Variants in XKR6 observed in about 807,000 individuals in gnomAD.
XKR6 encodes XK related 6.
Under a neutral mutation model 56.7 loss-of-function variants are expected in XKR6, and 22 were observed. The ratio of observed to expected loss-of-function variants is 0.39; its 90% CI spans 0.28 to 0.55. XKR6 has a LOEUF of 0.55. XKR6 is among the 20% of genes least tolerant of loss of function. The pLI is 0.66. For synonymous variants in XKR6, 524 were observed against 387.8 expected (o/e 1.35, Z -4.13); for missense variants, 852 against 889.0 (o/e 0.96, Z 0.53).
intron 1 of XKR6, among the ~76,000 whole-genome samples, chr8:11,126,989 A>G (rs1799834574): frequency 6.6e-6 from 1 of 152,170 alleles, no homozygotes; most frequent in Admixed American, 6.5e-5. Context: ...AATCAAAGCA[A>G]CTGGTCATCT....
At chr8:11,000,749 G>C (rs952155416) in intron 1 of XKR6, among the ~76,000 whole-genome samples, 17 of 152,118 alleles carry the variant, frequency 1.1e-4, no homozygotes, top group African/African-American at 3.9e-4. Flanking sequence ...TTCTACACGA[G>C]AGCTCTCTCT....
chr8:10,963,979 A>G (rs1802139472), intron 1 of XKR6, among the ~76,000 whole-genome samples: 1 of 152,206 alleles, frequency 6.6e-6, no homozygotes, highest in Non-Finnish European at 1.5e-5. Context: ...TTCTAAGTCT[A>G]TAAAATGGGC....
At chr8:10,931,998 A>G (rs1801066013) in intron 1 of XKR6, among the ~76,000 whole-genome samples, 2 of 152,200 alleles carry the variant, frequency 1.3e-5, no homozygotes, top group Non-Finnish European at 1.5e-5. Context: ...AGCTCACTAG[A>G]AAAAAACAAT....
intron 1 of XKR6, among the ~76,000 whole-genome samples, chr8:10,983,888 C>T (rs1254063237): frequency 1.3e-5 from 2 of 152,104 alleles, no homozygotes; most frequent in Admixed American, 6.6e-5. Context: ...ATCTCCTGAC[C>T]TCGTGATTCG....
intron 1 of XKR6, among the ~76,000 whole-genome samples, chr8:11,189,894 C>T (rs1026748392): frequency 1.3e-5 from 2 of 152,124 alleles, no homozygotes; most frequent in South Asian, 2.1e-4. Flanking sequence ...CAGTGGCTCA[C>T]GCCTGTAATC....
chr8:10,898,265 C>A lies in XKR6; in HGVS notation c.1613G>T (p.Gly538Val), dbSNP rs1417469540. ...GGCTCTGGTGGGCGTAACCTGGGTC[C>A]CCCGGTACCCAGGGATCTCAGGCGC... ...PMAPEIPGYR[G>V]TQVTPTRAVT... The change falls in exon 3 of 3, where the codon GGG becomes GTG. Residue 538 changes from glycine (G) to valine (V), a missense_variant. By Grantham distance (109) the Gly-to-Val change is moderately radical. This residue lies in a region of XKR6 where 197 missense variants were observed against 190.9 expected (regional missense o/e 1.03). Coordinates refer to ENST00000416569, the MANE Select transcript of XKR6 (RefSeq NM_173683.4). This position sits in a 1 kb window ranked among gnomAD's most constrained non-coding sequence, Gnocchi z 6.6. 3.1e-6 allele frequency: 5 copies of A among 1,613,994 alleles called. No homozygotes were observed. Among genetic ancestry groups the A allele is most frequent in the Non-Finnish European group, 4.2e-6 (5 of 1,180,018 alleles).
chr8:11,134,243 T>C (rs553655774), intron 1 of XKR6, among the ~76,000 whole-genome samples: 10 of 152,288 alleles, frequency 6.6e-5, no homozygotes, highest in African/African-American at 2.4e-4. Context: ...CTGATCACAG[T>C]GTGTGTTACT....
intron 1 of XKR6, chr8:11,108,488 C>G: frequency 2.6e-6 from 1 of 388,778 alleles, no homozygotes; most frequent in South Asian, 2.0e-5. Context: ...GACATTAGTA[C>G]TCAACTTATG....
intron 1 of XKR6, among the ~76,000 whole-genome samples, chr8:10,943,225 A>C (rs1259132204): frequency 6.6e-6 from 1 of 152,226 alleles, no homozygotes; most frequent in Admixed American, 6.5e-5. Flanking sequence ...TCACTGTCTG[A>C]GTTGTCACAG....
intron 1 of XKR6, among the ~76,000 whole-genome samples, chr8:11,182,533 T>A (rs529511153): frequency 6.6e-6 from 1 of 152,216 alleles, no homozygotes; most frequent in Admixed American, 6.5e-5. Flanking sequence ...AAGAGGCATA[T>A]CTTGAAGTCA....
intron 1 of XKR6, chr8:11,106,793 T>G (rs1456831496): frequency 1.4e-5 from 2 of 139,078 alleles, no homozygotes; most frequent in Non-Finnish European, 3.0e-5. Flanking sequence ...GAGGTTGCAG[T>G]GAGCTGAGAT....
chr8:11,135,471 T>C (rs369359799), intron 1 of XKR6, among the ~76,000 whole-genome samples: 4 of 152,238 alleles, frequency 2.6e-5, no homozygotes, highest in African/African-American at 9.6e-5. Flanking sequence ...TCTTTAAATA[T>C]CATTGTAACA....
At position 10,970,520 on chromosome 8, in the gene XKR6, A is replaced by G. The variant is rs1802375673; in HGVS notation, c.765-45690T>C. Reference sequence around the variant, plus strand: ...TGGAGGATCTGCACATGAAACTGTCACAGCCCAGAAATGCCCCAGCCTCAT... The same window carrying G: ...TGGAGGATCTGCACATGAAACTGTCGCAGCCCAGAAATGCCCCAGCCTCAT... On this transcript the variant is annotated intron_variant, in intron 1 of 2. Coordinates refer to ENST00000416569, the MANE Select transcript of XKR6 (RefSeq NM_173683.4). Among the ~76,000 whole-genome samples the G allele has an allele frequency of 2.6e-5, 4 of 152,304 alleles. No individual in the cohort carries two copies. In the South Asian group the frequency reaches 8.3e-4, roughly 32 times the overall value.
chr8:11,105,186 A>T (rs985133752), intron 1 of XKR6: 6 of 152,316 alleles, frequency 3.9e-5, no homozygotes, highest in Admixed American at 3.9e-4. Flanking sequence ...CGGTTCCAAG[A>T]AATAGCAGCT....
At position 11,200,879 on chromosome 8, in the gene XKR6, T is replaced by C. The variant is rs1031693318; in HGVS notation, c.461A>G (p.Tyr154Cys). ...GTDLWLALDY[Y>C]RKGDYVYFGL... The stretch of plus-strand genomic sequence containing the variant: ...GAAGTAGACGTAGTCCCCCTTGCGG[T>C]AGTAGTCGAGGGCCAGCCACAGGTC... The change falls in exon 1 of 3, where the codon TAC (tyrosine) becomes TGC (cysteine). Residue 154 changes from tyrosine (Y) to cysteine (C), a missense_variant. Physicochemically the swap from Tyr to Cys is radical, Grantham distance 194. Transcript: ENST00000416569. The surrounding 1 kb of genome is among the most constrained non-coding windows in gnomAD (Gnocchi z 6.4). 3.7e-6 allele frequency: 6 copies of C among 1,611,312 alleles called. No individual in the cohort carries two copies. Among genetic ancestry groups the C allele is most frequent in the Non-Finnish European group, 3.4e-6 (4 of 1,179,408 alleles).
intron 1 of XKR6, among the ~76,000 whole-genome samples, chr8:10,990,603 T>A (rs1433631792): frequency 3.3e-5 from 5 of 152,124 alleles, no homozygotes; most frequent in Admixed American, 1.3e-4. Context: ...TTGTTGCTGT[T>A]ATTGCTGAGA....
At position 10,912,211 on chromosome 8, in the gene XKR6, G is replaced by A. The variant is rs1056801281; in HGVS notation, c.961+12423C>T. On this transcript the variant is annotated intron_variant, in intron 2 of 2. Coordinates refer to ENST00000416569, the MANE Select transcript of XKR6 (RefSeq NM_173683.4). ...ATATAGAGTGGGATGGTGTGTGTGTGTATATATACAGAGAGAGAGAGGGAG... is the reference window on the plus strand; with the variant it reads ...ATATAGAGTGGGATGGTGTGTGTGTATATATATACAGAGAGAGAGAGGGAG... 3.4e-5 allele frequency among the ~76,000 whole-genome samples: 5 copies of A among 144,964 alleles called. No individual in the cohort carries two copies. In the South Asian group the frequency reaches 8.9e-4, roughly 26 times the overall value.
At chr8:11,061,333 G>A (rs553569000) in intron 1 of XKR6, among the ~76,000 whole-genome samples, 2 of 152,272 alleles carry the variant, frequency 1.3e-5, no homozygotes, top group South Asian at 4.1e-4. Flanking sequence ...AGGCGTGATG[G>A]TGTGCACCTG....
At chr8:10,960,034 C>A (rs1325961457) in intron 1 of XKR6, among the ~76,000 whole-genome samples, 1 of 152,226 alleles carries the variant, frequency 6.6e-6, no homozygotes, top group Non-Finnish European at 1.5e-5. Flanking sequence ...AAAATTTGCA[C>A]CTGGCACCTT....
Sources: gnomAD v4.1 joint callset for allele counts (sites outside exome capture counted in the v4.1 genomes callset) on GRCh38, gnomAD v4.1.1 for gene constraint, gnomAD v4.1.1 regional missense constraint, Gnocchi (gnomAD v3.1) non-coding constraint, MANE v1.5 for transcripts, NCBI Gene and HGNC (gene_info 2026-07-23, HGNC 2026-07-21) for gene names.